MACROD2: variants seen among roughly 807,000 people sequenced by gnomAD.
The protein encoded by MACROD2 is ADP-ribose glycohydrolase MACROD2.
Under a neutral mutation model 70.4 loss-of-function variants are expected in MACROD2, and 36 were observed. That is an observed-to-expected ratio of 0.51 (90% CI 0.39 to 0.68). MACROD2 has a LOEUF of 0.68. MACROD2 is among the 30% of genes least tolerant of loss of function. The pLI, the probability that MACROD2 is intolerant of heterozygous loss-of-function variation, is 0.00. For missense variants in MACROD2, 496 were observed against 538.4 expected (o/e 0.92, Z 0.78); for synonymous variants, 172 against 178.8 (o/e 0.96, Z 0.30).
chr20:15,234,198 A>AT (rs1321755427), intron 6 of MACROD2, among the ~76,000 whole-genome samples: 7 of 136,998 alleles, frequency 5.1e-5, no homozygotes, highest in Admixed American at 3.7e-4. Flanking sequence ...CGCCCGGCTA[A>AT]TTTTTTTGTA....
intron 12 of MACROD2, among the ~76,000 whole-genome samples, chr20:15,961,205 G>A (rs547455148): frequency 2.0e-5 from 3 of 152,134 alleles, no homozygotes; most frequent in Admixed American, 2.0e-4. Flanking sequence ...GGGGAATGGG[G>A]GCCCATGATT....
At chr20:15,034,641 T>C (rs950938770) in intron 5 of MACROD2, among the ~76,000 whole-genome samples, 1 of 152,172 alleles carries the variant, frequency 6.6e-6, no homozygotes, top group South Asian at 2.1e-4. Context: ...CAGCAAGTTA[T>C]AGCATTCAAT....
At chr20:14,614,024 A>T (rs1215238856) in intron 4 of MACROD2, among the ~76,000 whole-genome samples, 1 of 152,098 alleles carries the variant, frequency 6.6e-6, no homozygotes, top group Non-Finnish European at 1.5e-5. Context: ...CCGATTTTCT[A>T]ATAAAATATT....
At chr20:14,260,153 C>A (rs1053441188) in intron 3 of MACROD2, among the ~76,000 whole-genome samples, 13 of 152,086 alleles carry the variant, frequency 8.5e-5, no homozygotes, top group African/African-American at 3.1e-4. Flanking sequence ...TCAGATAAAA[C>A]AGTCTTAAGA....
At chr20:15,038,379 A>T (rs528085171) in intron 5 of MACROD2, among the ~76,000 whole-genome samples, 2 of 152,338 alleles carry the variant, frequency 1.3e-5, no homozygotes, top group South Asian at 4.1e-4. Context: ...TTCTGGTTGT[A>T]AATGACGTTT....
intron 8 of MACROD2, among the ~76,000 whole-genome samples, chr20:15,563,524 A>G (rs2048272303): frequency 6.6e-6 from 1 of 152,234 alleles, no homozygotes; most frequent in Non-Finnish European, 1.5e-5. Flanking sequence ...AATACATAGT[A>G]AACCATCTTA....
intron 4 of MACROD2, among the ~76,000 whole-genome samples, chr20:14,549,758 T>C (rs377301685): frequency 2.1e-4 from 32 of 152,258 alleles, no homozygotes; most frequent in African/African-American, 7.5e-4. Flanking sequence ...AGGAATACAA[T>C]GTGATCTTTG....
intron 11 of MACROD2, 85 bp downstream of exon 11, chr20:15,933,423 A>C: frequency 7.9e-7 from 1 of 1,264,414 alleles, no homozygotes; most frequent in Non-Finnish European, 1.1e-6. Context: ...TTGTCTGAAA[A>C]TGCTTATACA....
rs574290650 is a variant in MACROD2 at position 15,745,018 on chromosome 20, A to C, written c.646-117727A>C. 2.6e-4 allele frequency among the ~76,000 whole-genome samples: 39 copies of C among 152,258 alleles called. No homozygotes were observed. The South Asian group carries it at 6.8e-3, about 27-fold the overall frequency. On this transcript the variant is annotated intron_variant, in intron 8 of 17. Coordinates refer to ENST00000684519, the MANE Select transcript of MACROD2 (RefSeq NM_001351661.2). ...ACATCAATACATTATGTATTTGGGG[A>C]CTTTCCCCAGTCAATATTACTTATA...
At chr20:15,620,539 A>G (rs1298862286) in intron 8 of MACROD2, among the ~76,000 whole-genome samples, 1 of 152,210 alleles carries the variant, frequency 6.6e-6, no homozygotes, top group Non-Finnish European at 1.5e-5. Context: ...TATGTCAGCT[A>G]TGAAGAACAC....
intron 5 of MACROD2, among the ~76,000 whole-genome samples, chr20:14,968,469 G>T (rs1450052546): frequency 6.6e-6 from 1 of 152,114 alleles, no homozygotes; most frequent in Non-Finnish European, 1.5e-5. Context: ...CAACCCAGGG[G>T]GTTCTTTAAA....
intron 3 of MACROD2, among the ~76,000 whole-genome samples, chr20:14,364,169 G>A (rs204629): frequency 0.28 from 42,497 of 152,028 alleles, 6,228 homozygotes; most frequent in African/African-American, 0.36. Context: ...ACAGTAAGAA[G>A]TACTACACAG....
At chr20:14,844,760 A>C (rs1334220030) in intron 5 of MACROD2, among the ~76,000 whole-genome samples, 1 of 152,108 alleles carries the variant, frequency 6.6e-6, no homozygotes, top group Non-Finnish European at 1.5e-5. Context: ...ACTAACTATC[A>C]AAAGGAACAG....
At chr20:15,927,337 C>G (rs1410525952) in intron 10 of MACROD2, among the ~76,000 whole-genome samples, 1 of 152,142 alleles carries the variant, frequency 6.6e-6, no homozygotes. Flanking sequence ...AGAGACATCT[C>G]TCTGCAGAGG....
chr20:14,037,862 A>G (rs115914118), intron 2 of MACROD2, among the ~76,000 whole-genome samples: 1,987 of 151,892 alleles, frequency 0.013, 51 homozygotes, highest in African/African-American at 0.045. Context: ...AAACCCCAAG[A>G]AAATTAGCCC....
chr20:16,013,416 C>T (rs561670435), intron 15 of MACROD2, among the ~76,000 whole-genome samples: 1 of 152,200 alleles, frequency 6.6e-6, no homozygotes, highest in African/African-American at 2.4e-5. Flanking sequence ...GGGAAGATGT[C>T]TGTACTTTAC....
intron 4 of MACROD2, among the ~76,000 whole-genome samples, chr20:14,639,531 C>T (rs1444858110): frequency 1.3e-5 from 2 of 152,166 alleles, no homozygotes; most frequent in Non-Finnish European, 2.9e-5. Flanking sequence ...TGTCTGTGGC[C>T]AGACAGGACT....
chr20:14,179,601 A>G (rs933991398), intron 3 of MACROD2, among the ~76,000 whole-genome samples: 2 of 152,224 alleles, frequency 1.3e-5, no homozygotes, highest in African/African-American at 4.8e-5. Flanking sequence ...TGAGTAAGAA[A>G]TCATTTTTGC....
chr20:15,444,139 G>T (rs1051132247), intron 7 of MACROD2, among the ~76,000 whole-genome samples: 23 of 151,960 alleles, frequency 1.5e-4, no homozygotes, highest in African/African-American at 5.1e-4. Context: ...GCCTGTTTTG[G>T]GTATTTCATG....
Sources: allele counts gnomAD v4.1 joint callset (sites outside exome capture counted in the v4.1 genomes callset), GRCh38; gene constraint gnomAD v4.1.1; transcripts MANE v1.5; gene names NCBI Gene and HGNC (gene_info 2026-07-23, HGNC 2026-07-21).